TOP2B: variants seen among roughly 807,000 people sequenced by gnomAD.
The protein encoded by TOP2B is DNA topoisomerase II beta.
A neutral mutation model predicts 193.5 loss-of-function variants in TOP2B; 51 were observed. The ratio of observed to expected loss-of-function variants is 0.26; its 90% CI spans 0.21 to 0.33. TOP2B has a LOEUF of 0.33. Among genes scored for constraint, TOP2B ranks in the 10% least tolerant of loss-of-function variants. TOP2B has a pLI of 1.00. For synonymous variants in TOP2B, 634 were observed against 635.7 expected (o/e 1.00, Z 0.04); for missense variants, 1,378 against 1,909.3 (o/e 0.72, Z 5.19).
chr3:25,645,823 G>C (rs1703398401), intron 1 of TOP2B, among the ~76,000 whole-genome samples: 1 of 152,060 alleles, frequency 6.6e-6, no homozygotes. Context: ...GCAATGGTGT[G>C]ATCTTGGCTC....
Position 25,606,086 on chromosome 3 carries a change from T to C in TOP2B, c.4335A>G (p.Gly1445=). 1 of 1,510,308 alleles carries C rather than the reference T, an allele frequency of 6.6e-7. No homozygotes were observed. The highest frequency in any genetic ancestry group is 8.9e-7 in the Non-Finnish European group (1 of 1,120,982). The allele number at this position is 1,510,308 out of a possible 1,614,324, so 93.6% of individuals were successfully genotyped here. A position where few individuals can be genotyped will look rare whatever the true frequency, so the allele number is the denominator to read the frequency against. ...AATATGAAGGAAATGAGAAGAGATT[T>C]CCAAAATCCTGACTTTTTTTGTCAT... ...SLHDKKSQDF[G]NLFSFPSYSQ... The change falls in exon 32 of 36, where the codon GGA becomes GGG. Residue 1445 remains glycine (G), a synonymous_variant. Transcript: ENST00000264331.
In TOP2B at chr3:25,598,038, G is replaced by T. The variant is rs1701960135; in HGVS notation, c.*269C>A. 1 of 244,402 alleles carries T rather than the reference G, an allele frequency of 4.1e-6. No individual in the cohort carries two copies. Among genetic ancestry groups the T allele is most frequent in the Non-Finnish European group, 7.8e-6 (1 of 128,554 alleles). 15.1% of individuals were successfully genotyped at this position (244,402 alleles called of 1,614,324 possible). A position where few individuals can be genotyped will look rare whatever the true frequency, so the allele number is the denominator to read the frequency against. On this transcript the variant is annotated 3_prime_UTR_variant, in exon 36 of 36. Transcript: ENST00000264331. ...ATTTCAAAAAGCAGGTCTGTAGTTT[G>T]TAACCATGACAATTAAAATCTGTGC...
At chr3:25,641,221 G>A (rs1455938616) in intron 4 of TOP2B, among the ~76,000 whole-genome samples, 3 of 151,578 alleles carry the variant, frequency 2.0e-5, no homozygotes, top group Non-Finnish European at 4.4e-5. Flanking sequence ...TTGCAACTAT[G>A]TTCATCAAGA....
At chr3:25,630,680 A>C in intron 11 of TOP2B, 121 bp downstream of exon 11, 1 of 1,028,082 alleles carries the variant, frequency 9.7e-7, no homozygotes, top group Admixed American at 3.5e-5. Context: ...AATTTCAATG[A>C]AGTAAAATCA....
intron 1 of TOP2B, among the ~76,000 whole-genome samples, chr3:25,658,253 ATTAT>A (rs897276646): frequency 8.6e-5 from 13 of 151,058 alleles, no homozygotes; most frequent in Admixed American, 5.9e-4. Flanking sequence ...AATAATAATT[ATTAT>A]TATTATTTAC....
rs553666816 is a variant in TOP2B at position 25,664,639 on chromosome 3, C to A, written c.-342G>T. ...GCTGCAGGCCGGGCTGAAGCCCGGG[C>A]GTGCGAGCCGCGAGGGCGGCCGGGG... On this transcript the variant is annotated 5_prime_UTR_variant, in exon 1 of 36. Coordinates refer to ENST00000264331, the MANE Select transcript of TOP2B (RefSeq NM_001330700.2). 0.024 allele frequency: 23,962 copies of A among 989,592 alleles called. 329 individuals carry two copies. The highest frequency in any genetic ancestry group is 0.027 in the Middle Eastern group (53 of 1,954). The allele number at this position is 989,592 out of a possible 1,614,324, so 61.3% of individuals were successfully genotyped here.
chr3:25,622,639 ATT>A (rs576552400), intron 21 of TOP2B, among the ~76,000 whole-genome samples: 27 of 133,718 alleles, frequency 2.0e-4, no homozygotes, highest in Admixed American at 2.3e-4. Flanking sequence ...AAAAATGGGG[ATT>A]TTTTTTTTTT....
At chr3:25,606,505 C>T (rs1039003226) in intron 31 of TOP2B, among the ~76,000 whole-genome samples, 2 of 152,084 alleles carry the variant, frequency 1.3e-5, no homozygotes, top group Non-Finnish European at 2.9e-5. Context: ...GATCAGCAAA[C>T]TATGGACAAA....
chr3:25,602,396 C>CAAAA (rs368021384), intron 33 of TOP2B, among the ~76,000 whole-genome samples: 4 of 41,424 alleles, frequency 9.7e-5, no homozygotes, highest in African/African-American at 3.8e-4. Flanking sequence ...GACTCTGTCT[C>CAAAA]AAAAAAAAAA....
chr3:25,644,054 T>A (rs1233823173), intron 2 of TOP2B, among the ~76,000 whole-genome samples: 1 of 151,986 alleles, frequency 6.6e-6, no homozygotes, highest in African/African-American at 2.4e-5. Context: ...TATTAAATAG[T>A]TGAAAAAATA....
intron 10 of TOP2B, among the ~76,000 whole-genome samples, chr3:25,632,217 CA>C (rs1358194706): frequency 1.3e-5 from 2 of 151,930 alleles, no homozygotes; most frequent in African/African-American, 4.8e-5. Context: ...GCTAAAAATG[CA>C]ATTAGTTACA....
chr3:25,656,768 A>C (rs1376308747), intron 1 of TOP2B, among the ~76,000 whole-genome samples: 4 of 152,226 alleles, frequency 2.6e-5, no homozygotes, highest in Non-Finnish European at 5.9e-5. Flanking sequence ...AATATCAATA[A>C]AAATTATCTA....
chr3:25,632,700 G>T lies in TOP2B; in HGVS notation c.1121C>A (p.Pro374Gln). Residue 374 changes from proline to glutamine, a missense_variant, in exon 9 of 36, where the codon CCA becomes CAA. Coordinates refer to ENST00000264331, the MANE Select transcript of TOP2B (RefSeq NM_001330700.2). ...KKNKAGVSVK[P>Q]FQVKNHIWVF... ...ATATAACACATCCCTTACTTGAAATGGTTTCACTGATACACCAGCTTTGTT... is the reference window on the plus strand; with the variant it reads ...ATATAACACATCCCTTACTTGAAATTGTTTCACTGATACACCAGCTTTGTT... The T allele has an allele frequency of 6.2e-7, 1 of 1,612,498 alleles. No homozygotes were observed. Among genetic ancestry groups the T allele is most frequent in the East Asian group, 2.2e-5 (1 of 44,812 alleles).
In TOP2B at chr3:25,628,909, T is replaced by G. The variant is rs766805795; in HGVS notation, c.1844A>C (p.Glu615Ala). The G allele has an allele frequency of 6.2e-7, 1 of 1,600,418 alleles. No homozygotes were observed. ...KQELSFYSIP[E>A]FDEWKKHIEN... ...TATATGTTTTTTCCATTCGTCAAAT[T>G]CAGGAATACTGTAGAAGGAAAGTTC... is the stretch of plus-strand genomic sequence containing the variant. Residue 615 changes from glutamate (E) to alanine (A), a missense_variant, in exon 15 of 36, where the codon GAA (glutamate) becomes GCA (alanine). Physicochemically the swap from Glu to Ala is moderately radical, Grantham distance 107. Around this residue, in one of 9 missense-constraint regions of TOP2B, gnomAD observed 379 missense variants for 615.1 expected, o/e 0.62. Coordinates refer to ENST00000264331, the MANE Select transcript of TOP2B (RefSeq NM_001330700.2).
intron 25 of TOP2B, 100 bp downstream of exon 25, chr3:25,618,318 T>C: frequency 1.3e-6 from 1 of 786,648 alleles, no homozygotes; most frequent in Non-Finnish European, 2.1e-6. Context: ...ACTCAGCACC[T>C]TTAGTAGTAC....
chr3:25,607,118 G>C, intron 31 of TOP2B, 53 bp downstream of exon 31: 1 of 1,584,512 alleles, frequency 6.3e-7, no homozygotes, highest in Non-Finnish European at 8.6e-7. Flanking sequence ...TAATATCTTT[G>C]GCAAATGTTT....
chr3:25,619,896 A>T lies in TOP2B; in HGVS notation c.3029T>A (p.Phe1010Tyr). 1 of 1,613,154 alleles carries T rather than the reference A, an allele frequency of 6.2e-7. No homozygotes were observed. Among genetic ancestry groups the T allele is most frequent in the Non-Finnish European group, 8.5e-7 (1 of 1,179,498 alleles). The stretch of plus-strand genomic sequence containing the variant: ...ACAAGTAAGAGTAGTTTGAAGTTTA[A>T]AAACTTTATGCAGTCCAGCAGCTTC... ...QAEAAGLHKV[F>Y]KLQTTLTCNS... The change falls in exon 23 of 36, where the codon TTT becomes TAT. Residue 1010 changes from phenylalanine (F) to tyrosine (Y), a missense_variant. Transcript: ENST00000264331.
In TOP2B at chr3:25,664,249, T is replaced by G. The variant is rs1421480465; in HGVS notation, c.49A>C (p.Asn17His). ...CGAGAGVGGG[N>H]GALTWVTLFD... is the part of the protein sequence containing the mutation. ...CTTACCACCCAGGTCAGTGCCCCGT[T>G]GCCGCCGCCCACGCCGGCTCCCGCG... Residue 17 changes from asparagine (N) to histidine (H), a missense_variant, in exon 1 of 36, where the codon AAC (asparagine) becomes CAC (histidine). By Grantham distance (68) the Asn-to-His change is moderately conservative. This residue lies in a region of TOP2B where 83 missense variants were observed against 59.3 expected (regional missense o/e 1.40). Transcript: ENST00000264331. 1.3e-6 allele frequency: 2 copies of G among 1,538,132 alleles called. No homozygotes were observed. Among genetic ancestry groups the G allele is most frequent in the African/African-American group, 1.4e-5 (1 of 72,764 alleles).
intron 7 of TOP2B, among the ~76,000 whole-genome samples, chr3:25,635,252 T>G (rs1471535538): frequency 1.3e-5 from 2 of 152,086 alleles, no homozygotes; most frequent in Non-Finnish European, 2.9e-5. Context: ...CCTGGGTAAA[T>G]ATAACCTAAG....
Sources: allele counts gnomAD v4.1 joint callset (sites outside exome capture counted in the v4.1 genomes callset), GRCh38; gene constraint gnomAD v4.1.1; regional missense constraint gnomAD v4.1.1; transcripts MANE v1.5; gene names NCBI Gene and HGNC (gene_info 2026-07-23, HGNC 2026-07-21).